Variants in PAX7 observed in about 807,000 individuals in gnomAD.
The protein encoded by PAX7 is paired box protein Pax-7.
A neutral mutation model predicts 50.7 loss-of-function variants in PAX7; 18 were observed. That is an observed-to-expected ratio of 0.36 (90% CI 0.25 to 0.53). The LOEUF (loss-of-function observed/expected upper bound fraction) is 0.53, where lower values mean the gene tolerates loss of function less well. Among genes scored for constraint, PAX7 ranks in the 20% least tolerant of loss-of-function variants. PAX7 has a pLI of 0.93. For synonymous variants in PAX7, 310 were observed against 290.4 expected, an observed-to-expected ratio of 1.07 and a Z score of -0.69; for missense variants, 644 against 702.9, an observed-to-expected ratio of 0.92 and a Z score of 0.95.
chr1:18,691,764 G>T lies in PAX7; in HGVS notation c.597G>T (p.Leu199=). Reference sequence around the variant, plus strand: ...CTCCTCCGGCTGTAGGGAACCGGCTGGACGAGGGCTCGGATGTGGAGTCGG... The same window carrying T: ...CTCCTCCGGCTGTAGGGAACCGGCTTGACGAGGGCTCGGATGTGGAGTCGG... ...DGILGDKGNR[L]DEGSDVESEP... The change falls in exon 5 of 9, where the codon CTG becomes CTT. Residue 199 remains leucine, a synonymous_variant. Coordinates refer to ENST00000420770, the MANE Select transcript of PAX7 (RefSeq NM_001135254.2). 6.3e-7 allele frequency: 1 copy of T among 1,579,662 alleles called. No individual in the cohort carries two copies. Among genetic ancestry groups the T allele is most frequent in the East Asian group, 2.3e-5 (1 of 42,810 alleles).
intron 4 of PAX7, among the ~76,000 whole-genome samples, chr1:18,663,050 C>T (rs530799989): frequency 2.6e-5 from 4 of 152,198 alleles, no homozygotes; most frequent in Non-Finnish European, 2.9e-5. Flanking sequence ...CACAGAGAAA[C>T]GGCACATCTA....
At chr1:18,678,739 G>A (rs1009687792) in intron 4 of PAX7, among the ~76,000 whole-genome samples, 2 of 152,190 alleles carry the variant, frequency 1.3e-5, no homozygotes, top group Admixed American at 1.3e-4. Flanking sequence ...TGGCCTTCAT[G>A]TCTAGATTGG....
intron 6 of PAX7, among the ~76,000 whole-genome samples, chr1:18,702,511 T>C (rs924113220): frequency 6.6e-6 from 1 of 152,030 alleles, no homozygotes; most frequent in African/African-American, 2.4e-5. Flanking sequence ...TCTGCAAAGC[T>C]GCACAGAAGG....
chr1:18,729,907 A>C (rs2089624892), intron 7 of PAX7, among the ~76,000 whole-genome samples: 1 of 152,160 alleles, frequency 6.6e-6, no homozygotes, highest in African/African-American at 2.4e-5. Flanking sequence ...GAAAGAACCC[A>C]CTGGGTGTTG....
chr1:18,647,878 T>C (rs1177038563), intron 4 of PAX7, among the ~76,000 whole-genome samples: 2 of 152,114 alleles, frequency 1.3e-5, no homozygotes, highest in African/African-American at 4.8e-5. Flanking sequence ...TGCAAATAAA[T>C]AGTATCCCTC....
chr1:18,692,884 CTCTGTCAGTGGGTT>C (rs2089094825), intron 5 of PAX7, among the ~76,000 whole-genome samples: 3 of 152,174 alleles, frequency 2.0e-5, no homozygotes, highest in African/African-American at 7.2e-5. Flanking sequence ...CCCGCCTGCT[CTCTGTCAGTGGGTT>C]GAGGGGCAAA....
At chr1:18,715,038 C>T (rs913029653) in intron 7 of PAX7, among the ~76,000 whole-genome samples, 1 of 152,230 alleles carries the variant, frequency 6.6e-6, no homozygotes, top group African/African-American at 2.4e-5. Context: ...GTTGGGCAAT[C>T]GGGCCTGGGA....
In PAX7 at chr1:18,726,613, T is replaced by C. The variant is rs1490363588; in HGVS notation, c.1156-9019T>C. Among the ~76,000 whole-genome samples the C allele has an allele frequency of 6.6e-6, 1 of 152,148 alleles. No homozygotes were observed. The highest frequency in any genetic ancestry group is 1.5e-5 in the Non-Finnish European group (1 of 68,032). ...CTGTTCCCAGGCAGAGGGTTGGGCCTTAGTGGGACTGAAAGTTTCCACGGG... is the reference window on the plus strand; with the variant it reads ...CTGTTCCCAGGCAGAGGGTTGGGCCCTAGTGGGACTGAAAGTTTCCACGGG... On this transcript the variant is annotated intron_variant, in intron 7 of 8. Coordinates refer to ENST00000420770, the MANE Select transcript of PAX7 (RefSeq NM_001135254.2). The surrounding 1 kb of genome is among the most constrained non-coding windows in gnomAD (Gnocchi z 4.8).
intron 8 of PAX7, 35 bp from the exon 9 acceptor site, chr1:18,744,779 C>A (rs1181260207): frequency 1.6e-5 from 20 of 1,279,932 alleles, no homozygotes; most frequent in Admixed American, 4.0e-5. Context: ...ACAAAAAGAA[C>A]CTCAATTTCT....
chr1:18,706,634 C>T lies in PAX7; in HGVS notation c.1155+3338C>T, dbSNP rs114437731. On this transcript the variant is annotated intron_variant, in intron 7 of 8. Transcript: ENST00000420770. ...AGCAGCTGGGATTACAGGCCCCTGC[C>T]GCCACTCCCAACTAATTTTTGTATA... Among the ~76,000 whole-genome samples, 860 of 99,390 alleles carry T rather than the reference C, an allele frequency of 8.7e-3. 7 individuals carry two copies. Among genetic ancestry groups the T allele is most frequent in the African/African-American group, 0.025 (818 of 33,008 alleles). 65.2% of individuals were successfully genotyped at this position (99,390 alleles called of 152,430 possible).
At chr1:18,653,483 T>C (rs2088466006) in intron 4 of PAX7, among the ~76,000 whole-genome samples, 1 of 152,146 alleles carries the variant, frequency 6.6e-6, no homozygotes, top group Non-Finnish European at 1.5e-5. Context: ...GTTGGTGTGC[T>C]GGTGGCTGTG....
intron 5 of PAX7, among the ~76,000 whole-genome samples, chr1:18,693,203 C>T (rs1294478952): frequency 6.6e-6 from 1 of 152,186 alleles, no homozygotes; most frequent in Non-Finnish European, 1.5e-5. Context: ...GAGCGGCCTG[C>T]AGAGGGGCCA....
At chr1:18,686,182 G>A (rs2088972573) in intron 4 of PAX7, among the ~76,000 whole-genome samples, 1 of 152,194 alleles carries the variant, frequency 6.6e-6, no homozygotes, top group Non-Finnish European at 1.5e-5. Context: ...CCATCTGACT[G>A]GGAGCTTCCT....
At chr1:18,702,120 G>C (rs1182296678) in intron 6 of PAX7, among the ~76,000 whole-genome samples, 2 of 151,678 alleles carry the variant, frequency 1.3e-5, no homozygotes, top group East Asian at 3.9e-4. Context: ...ATCTCTTGAG[G>C]CCAGGAGTTG....
rs925668730 is a variant in PAX7 at position 18,631,076 on chromosome 1, G to A, written c.-528G>A. The A allele has an allele frequency of 1.7e-5, 4 of 229,204 alleles. No homozygotes were observed. The South Asian group carries it at 5.4e-4, about 31-fold the overall frequency. The allele number at this position is 229,204 out of a possible 1,614,324, so 14.2% of individuals were successfully genotyped here. A position where few individuals can be genotyped will look rare whatever the true frequency, so the allele number is the denominator to read the frequency against. ...GGCGTGGAGAAGAGGGAGGGAGCGA[G>A]AGCGAGAGAATAAATATATAAATAA... On this transcript the variant is annotated 5_prime_UTR_variant, in exon 1 of 9. Transcript: ENST00000420770.
intron 7 of PAX7, among the ~76,000 whole-genome samples, chr1:18,732,290 C>T (rs1189197791): frequency 1.3e-5 from 2 of 152,228 alleles, no homozygotes. Flanking sequence ...TTTTTCATGG[C>T]TGTGTCCCCA....
intron 7 of PAX7, among the ~76,000 whole-genome samples, chr1:18,719,861 A>G (rs1204228337): frequency 6.6e-6 from 1 of 152,160 alleles, no homozygotes; most frequent in Non-Finnish European, 1.5e-5. Flanking sequence ...CAGCATGGTT[A>G]CTGATCATAG....
intron 4 of PAX7, among the ~76,000 whole-genome samples, chr1:18,664,756 G>C (rs975049588): frequency 1.3e-5 from 2 of 152,078 alleles, no homozygotes; most frequent in South Asian, 4.2e-4. Flanking sequence ...GTGAGCCCCC[G>C]AGAAGGGGAG....
intron 4 of PAX7, among the ~76,000 whole-genome samples, chr1:18,682,292 C>A (rs541426234): frequency 2.0e-5 from 3 of 152,154 alleles, no homozygotes; most frequent in East Asian, 3.9e-4. Context: ...CTTCCTAGCC[C>A]CCAGGAGGCC....
Sources: gnomAD v4.1 joint callset for allele counts (sites outside exome capture counted in the v4.1 genomes callset) on GRCh38, gnomAD v4.1.1 for gene constraint, Gnocchi (gnomAD v3.1) non-coding constraint, MANE v1.5 for transcripts, NCBI Gene and HGNC (gene_info 2026-07-23, HGNC 2026-07-21) for gene names.